The following ARHGAP10 variants were observed in gnomAD, a reference collection of about 807,000 sequenced individuals.
ARHGAP10 encodes rho GTPase-activating protein 10.
In ARHGAP10, 87 loss-of-function variants were observed where a neutral mutation model predicts 108.6. The ratio of observed to expected loss-of-function variants is 0.80; its 90% confidence interval spans 0.67 to 0.96. ARHGAP10 has a LOEUF of 0.96. Among genes scored for constraint, ARHGAP10 ranks in the 40% least tolerant of loss-of-function variants. The pLI is 0.00. For synonymous variants in ARHGAP10, 347 were observed against 341.1 expected, an observed-to-expected ratio of 1.02 and a Z score of -0.19; for missense variants, 939 against 954.5, an observed-to-expected ratio of 0.98 and a Z score of 0.21.
chr4:147,844,780 C>T (rs1015534295), intron 3 of ARHGAP10, among the ~76,000 whole-genome samples: 7 of 152,180 alleles, frequency 4.6e-5, no homozygotes, highest in African/African-American at 1.4e-4. Context: ...TTTGAACCAC[C>T]GCCATCTCTT....
chr4:147,970,597 A>G (rs1395393979), intron 18 of ARHGAP10, among the ~76,000 whole-genome samples: 1 of 152,190 alleles, frequency 6.6e-6, no homozygotes, highest in Non-Finnish European at 1.5e-5. Flanking sequence ...TGACTCCAGG[A>G]AAGTCACTAA....
intron 18 of ARHGAP10, among the ~76,000 whole-genome samples, chr4:148,017,047 C>T (rs951211963): frequency 2.0e-5 from 3 of 150,110 alleles, no homozygotes; most frequent in Non-Finnish European, 4.4e-5. Flanking sequence ...CCCAGCTACT[C>T]GGGAGGCTGA....
chr4:147,789,655 C>G (rs967643231), intron 1 of ARHGAP10, among the ~76,000 whole-genome samples: 1 of 152,216 alleles, frequency 6.6e-6, no homozygotes, highest in Admixed American at 6.5e-5. Flanking sequence ...CTTTGGCCAC[C>G]TGGCCAAATC....
chr4:147,933,721 C>T (rs898928561), intron 13 of ARHGAP10, among the ~76,000 whole-genome samples: 12 of 152,130 alleles, frequency 7.9e-5, no homozygotes, highest in Non-Finnish European at 1.5e-4. Context: ...GTTCTAGTGG[C>T]CCAGATGGAT....
At chr4:147,813,250 T>C (rs987433586) in intron 1 of ARHGAP10, among the ~76,000 whole-genome samples, 1 of 152,192 alleles carries the variant, frequency 6.6e-6, no homozygotes, top group Non-Finnish European at 1.5e-5. Flanking sequence ...ACCCGAGTTG[T>C]CACTCATGGC....
intron 1 of ARHGAP10, among the ~76,000 whole-genome samples, chr4:147,780,000 T>C (rs1304083438): frequency 6.6e-6 from 1 of 152,234 alleles, no homozygotes; most frequent in Admixed American, 6.5e-5. Flanking sequence ...CCTTGTTACA[T>C]GGGATTGCAG....
chr4:147,892,590 CTGGGAGT>C (rs1174372071), intron 10 of ARHGAP10, among the ~76,000 whole-genome samples: 5 of 8,800 alleles, frequency 5.7e-4, no homozygotes, highest in African/African-American at 1.0e-3. Context: ...GTGGGGTTGG[CTGGGAGT>C]GTGGGGTTGG....
At chr4:148,060,024 A>G (rs1043721284) in intron 20 of ARHGAP10, among the ~76,000 whole-genome samples, 5 of 70,806 alleles carry the variant, frequency 7.1e-5, no homozygotes, top group African/African-American at 2.3e-4. Flanking sequence ...GAGGGGAGAG[A>G]GACGAGAGAG....
chr4:147,887,861 CAA>C (rs112379304), intron 10 of ARHGAP10, among the ~76,000 whole-genome samples: 1 of 140,672 alleles, frequency 7.1e-6, no homozygotes, highest in African/African-American at 2.6e-5. Flanking sequence ...GACTCCATCT[CAA>C]AAAAAAAAAA....
intron 1 of ARHGAP10, among the ~76,000 whole-genome samples, chr4:147,778,986 T>G (rs940075096): frequency 6.6e-6 from 1 of 152,184 alleles, no homozygotes; most frequent in Non-Finnish European, 1.5e-5. Context: ...GTAGAAATCA[T>G]GACGTGGGAA....
chr4:147,860,925 A>G (rs994951212), intron 5 of ARHGAP10: 3 of 152,264 alleles, frequency 2.0e-5, no homozygotes, highest in Admixed American at 2.0e-4. Flanking sequence ...GACCCTAGTT[A>G]CAACTTGGAC....
At chr4:147,923,007 G>A (rs557409084) in intron 13 of ARHGAP10, among the ~76,000 whole-genome samples, 7 of 152,222 alleles carry the variant, frequency 4.6e-5, no homozygotes, top group Admixed American at 4.6e-4. Flanking sequence ...CACATAGTAA[G>A]CACTCAGTAA....
intron 1 of ARHGAP10, among the ~76,000 whole-genome samples, chr4:147,811,191 C>T (rs1456975609): frequency 1.3e-5 from 2 of 152,254 alleles, no homozygotes; most frequent in East Asian, 3.8e-4. Flanking sequence ...CTGCAACCCT[C>T]AGTCCCACCC....
intron 13 of ARHGAP10, among the ~76,000 whole-genome samples, chr4:147,923,596 C>T (rs1737335600): frequency 6.6e-6 from 1 of 152,276 alleles, no homozygotes; most frequent in African/African-American, 2.4e-5. Flanking sequence ...TTATCAAATT[C>T]AGCATTGTAA....
At chr4:147,922,391 A>G (rs1737275937) in intron 13 of ARHGAP10, among the ~76,000 whole-genome samples, 1 of 136,332 alleles carries the variant, frequency 7.3e-6, no homozygotes, top group Non-Finnish European at 1.6e-5. Context: ...TAGTTCCTTT[A>G]AAAAAAAAAA....
At chr4:148,040,081 T>C (rs1728564413) in intron 19 of ARHGAP10, among the ~76,000 whole-genome samples, 1 of 152,232 alleles carries the variant, frequency 6.6e-6, no homozygotes, top group Admixed American at 6.5e-5. Flanking sequence ...TTCTTTTCAC[T>C]GTCTGGCTAT....
chr4:147,940,028 T>A (rs1364559578), intron 14 of ARHGAP10, 129 bp downstream of exon 14: 2 of 888,972 alleles, frequency 2.2e-6, no homozygotes, highest in Admixed American at 5.1e-5. Context: ...AGGAGTTTTC[T>A]GCTGAGCAGA....
intron 18 of ARHGAP10, among the ~76,000 whole-genome samples, chr4:148,017,657 T>C (rs1318798282): frequency 8.2e-6 from 1 of 122,546 alleles, no homozygotes; most frequent in Admixed American, 7.6e-5. Flanking sequence ...AGTAACTATA[T>C]ATATATATAT....
At chr4:148,071,768 GAC>G (rs1342757510) in intron 22 of ARHGAP10, among the ~76,000 whole-genome samples, 3 of 152,182 alleles carry the variant, frequency 2.0e-5, no homozygotes, top group East Asian at 3.9e-4. Context: ...TGGAAACTAG[GAC>G]ACTAGTTAGG....
Sources: allele counts gnomAD v4.1 joint callset (sites outside exome capture counted in the v4.1 genomes callset), GRCh38; gene constraint gnomAD v4.1.1; transcripts MANE v1.5; gene names NCBI Gene and HGNC (gene_info 2026-07-23, HGNC 2026-07-21).